TSHR: variants seen among roughly 807,000 people sequenced by gnomAD.
The protein encoded by TSHR is thyrotropin receptor.
TSHR carries 51 observed loss-of-function variants against 64.1 expected under a neutral mutation model. The ratio of observed to expected loss-of-function variants is 0.80; its 90% confidence interval spans 0.64 to 1.01. TSHR has a LOEUF of 1.01. Ranked by LOEUF, TSHR falls within the 50% of genes least tolerant of loss-of-function variation. The pLI is 0.00. For synonymous variants in TSHR, 361 were observed against 361.9 expected, an observed-to-expected ratio of 1.00 and a Z score of 0.03; for missense variants, 877 against 942.8, an observed-to-expected ratio of 0.93 and a Z score of 0.91.
chr14:81,113,363 G>C (rs1358720189), intron 8 of TSHR, among the ~76,000 whole-genome samples: 2 of 152,204 alleles, frequency 1.3e-5, no homozygotes, highest in African/African-American at 4.8e-5. Flanking sequence ...TATTTCCTGA[G>C]ATAGGGGAAG....
At chr14:81,127,896 G>A (rs1891081815) in intron 8 of TSHR, among the ~76,000 whole-genome samples, 1 of 152,092 alleles carries the variant, frequency 6.6e-6, no homozygotes, top group Admixed American at 6.5e-5. Context: ...CCAGTCTCTG[G>A]TATGTCTTTA....
At chr14:81,069,186 TA>T (rs911976992) in intron 3 of TSHR, among the ~76,000 whole-genome samples, 1 of 151,558 alleles carries the variant, frequency 6.6e-6, no homozygotes, top group African/African-American at 2.4e-5. Context: ...GTGAAGTAAA[TA>T]CAATTATTTC....
intron 8 of TSHR, among the ~76,000 whole-genome samples, chr14:81,125,182 C>A (rs1890966001): frequency 6.6e-6 from 1 of 152,040 alleles, no homozygotes; most frequent in African/African-American, 2.4e-5. Flanking sequence ...GGGTGATCAG[C>A]AAAAGCTTTA....
chr14:81,067,597 C>T (rs1886725545), intron 2 of TSHR, among the ~76,000 whole-genome samples: 1 of 148,538 alleles, frequency 6.7e-6, no homozygotes, highest in Non-Finnish European at 1.5e-5. Flanking sequence ...TGGTTCTCAA[C>T]ATTGCCTACA....
chr14:81,036,023 CA>C (rs890324487), intron 1 of TSHR, among the ~76,000 whole-genome samples: 3 of 151,964 alleles, frequency 2.0e-5, no homozygotes, highest in African/African-American at 7.2e-5. Flanking sequence ...CAGGTCTTTT[CA>C]AATAACCTAG....
chr14:81,055,660 A>G (rs898813164), intron 1 of TSHR, among the ~76,000 whole-genome samples: 1 of 152,200 alleles, frequency 6.6e-6, no homozygotes, highest in African/African-American at 2.4e-5. Context: ...TTGGAGCTTT[A>G]ACATTTGACT....
intron 8 of TSHR, 129 bp from the exon 9 acceptor site, chr14:81,139,550 T>G: frequency 1.1e-6 from 1 of 946,848 alleles, no homozygotes; most frequent in South Asian, 1.4e-5. Flanking sequence ...GCTCAGCTTA[T>G]GTACTCAGTA....
intron 8 of TSHR, among the ~76,000 whole-genome samples, chr14:81,125,994 GGGAAT>G (rs1891006862): frequency 6.6e-6 from 1 of 151,952 alleles, no homozygotes; most frequent in Admixed American, 6.6e-5. Flanking sequence ...GACAAGAACA[GGGAAT>G]GGTCTGCTTC....
At chr14:81,089,890 T>C (rs997609061) in intron 4 of TSHR, among the ~76,000 whole-genome samples, 9 of 152,324 alleles carry the variant, frequency 5.9e-5, no homozygotes, top group African/African-American at 2.2e-4. Flanking sequence ...CTCTGGCTCC[T>C]GCTGCCTCTT....
At chr14:81,048,542 G>A (rs28480269) in intron 1 of TSHR, among the ~76,000 whole-genome samples, 13,022 of 152,188 alleles carry the variant, frequency 0.086, 656 homozygotes, top group South Asian at 0.18. Flanking sequence ...GTCAAAGGCT[G>A]GTTCCTACTT....
intron 3 of TSHR, among the ~76,000 whole-genome samples, chr14:81,082,902 G>A (rs1363936885): frequency 6.6e-6 from 1 of 152,016 alleles, no homozygotes; most frequent in Non-Finnish European, 1.5e-5. Context: ...CATTAACTGG[G>A]GCAGTTTAGG....
chr14:81,087,637 G>T, intron 3 of TSHR: 1 of 361,880 alleles, frequency 2.8e-6, no homozygotes, highest in Non-Finnish European at 5.2e-6. Flanking sequence ...TCATTGGAGG[G>T]ATTTTTCTTT....
intron 1 of TSHR, among the ~76,000 whole-genome samples, chr14:80,968,171 G>A (rs965625584): frequency 3.3e-5 from 5 of 152,094 alleles, no homozygotes; most frequent in African/African-American, 7.2e-5. Context: ...AGTTGTACCT[G>A]CCTGAAGCTA....
chr14:80,971,478 T>C (rs543675548), intron 1 of TSHR, among the ~76,000 whole-genome samples: 1 of 152,334 alleles, frequency 6.6e-6, no homozygotes, highest in East Asian at 1.9e-4. Flanking sequence ...GATAATCACA[T>C]ATAAAGTGCT....
At chr14:81,029,777 A>T (rs942715798) in intron 1 of TSHR, among the ~76,000 whole-genome samples, 3 of 152,212 alleles carry the variant, frequency 2.0e-5, no homozygotes, top group Non-Finnish European at 2.9e-5. Context: ...TTCTTAAAAA[A>T]ATATACCCAT....
At chr14:80,962,984 C>T (rs1043481063) in intron 1 of TSHR, among the ~76,000 whole-genome samples, 1 of 152,134 alleles carries the variant, frequency 6.6e-6, no homozygotes, top group Non-Finnish European at 1.5e-5. Flanking sequence ...AAGTTACCAC[C>T]TCCCAGTGAG....
Position 81,139,838 on chromosome 14 carries a change from T to G in TSHR, c.852T>G (p.Cys284Trp). 3 of 1,614,200 alleles carry G rather than the reference T, an allele frequency of 1.9e-6. No homozygotes were observed. The highest frequency in any genetic ancestry group is 2.5e-6 in the Non-Finnish European group (3 of 1,180,036). Residue 284 changes from cysteine to tryptophan, a missense_variant, in exon 9 of 10, where the codon TGT becomes TGG. Transcript: ENST00000298171. ...ACCTTTCTTACCCAAGCCACTGCTG[T>G]GCTTTTAAGAATCAGAAGAAAATCA... is the stretch of plus-strand genomic sequence containing the variant. ...RADLSYPSHC[C>W]AFKNQKKIRG...
At chr14:81,052,893 C>A (rs559584962) in intron 1 of TSHR, 1 of 151,968 alleles carries the variant, frequency 6.6e-6, no homozygotes, top group Non-Finnish European at 1.5e-5. Context: ...TTGTAACCTA[C>A]TTTACTGAAT....
chr14:81,122,151 C>G (rs1487875949), intron 8 of TSHR, among the ~76,000 whole-genome samples: 4 of 142,058 alleles, frequency 2.8e-5, no homozygotes, highest in African/African-American at 7.7e-5. Context: ...TCAAGCAATT[C>G]TCCTGCCTCA....
Sources: allele counts gnomAD v4.1 joint callset (sites outside exome capture counted in the v4.1 genomes callset), GRCh38; gene constraint gnomAD v4.1.1; transcripts MANE v1.5; gene names NCBI Gene and HGNC (gene_info 2026-07-23, HGNC 2026-07-21).